The following SATB1 variants were observed in gnomAD, a reference collection of about 807,000 sequenced individuals.
SATB1 encodes SATB homeobox 1, also known as DNA-binding protein SATB1.
Under a neutral mutation model 86.9 loss-of-function variants are expected in SATB1, and 11 were observed. That is an observed-to-expected ratio of 0.13 (90% CI 0.08 to 0.21). The LOEUF (loss-of-function observed/expected upper bound fraction) is 0.21. Ranked by LOEUF, SATB1 falls within the 10% of genes least tolerant of loss-of-function variation. The pLI is 1.00. For synonymous variants in SATB1, 357 were observed against 357.2 expected (o/e 1.00, Z 0.01); for missense variants, 551 against 937.6 (o/e 0.59, Z 5.39).
intron 10 of SATB1, chr3:18,351,317 G>A (rs1694347228): frequency 1.3e-6 from 2 of 1,544,662 alleles, no homozygotes; most frequent in Non-Finnish European, 1.7e-6. Flanking sequence ...GCTCACCTGA[G>A]GAGCAGCACC....
At chr3:18,405,493 G>A (rs1184844282) in intron 5 of SATB1, among the ~76,000 whole-genome samples, 3 of 151,992 alleles carry the variant, frequency 2.0e-5, no homozygotes, top group Admixed American at 1.3e-4. Context: ...TTTTCCAAAA[G>A]TAAATATTAG....
rs977205716 is a variant in SATB1 at position 18,430,482 on chromosome 3, C to T, written c.-25+6307G>A. Reference sequence around the variant, plus strand: ...CTGCTTTCCGTGAACATTTAAGTATCTCATAGGTGAAGTTAAAAATCACAG... The same window carrying T: ...CTGCTTTCCGTGAACATTTAAGTATTTCATAGGTGAAGTTAAAAATCACAG... On this transcript the variant is annotated intron_variant, in intron 2 of 3. Coordinates refer to the SATB1 transcript ENST00000414509. 2.6e-5 allele frequency among the ~76,000 whole-genome samples: 4 copies of T among 152,126 alleles called. No individual in the cohort carries two copies. The South Asian group carries it at 6.2e-4, about 24-fold the overall frequency.
chr3:18,417,073 T>C lies in SATB1; in HGVS notation c.217A>G (p.Met73Val), dbSNP rs371228845. The C allele has an allele frequency of 3.2e-5, 51 of 1,612,098 alleles. No individual in the cohort carries two copies. Among genetic ancestry groups the C allele is most frequent in the Non-Finnish European group, 4.2e-5 (50 of 1,179,276 alleles). The change falls in exon 3 of 11, where the codon ATG becomes GTG. Residue 73 changes from methionine (M) to valine (V), a missense_variant. By Grantham distance (21) the Met-to-Val change is conservative. Around this residue, in one of 8 missense-constraint regions of SATB1, gnomAD observed 153 missense variants for 258.1 expected, o/e 0.59. Coordinates refer to ENST00000338745, the MANE Select transcript of SATB1 (RefSeq NM_002971.6). ...LMKTNLRKGT[M>V]LPVFCVVEHY... ...TCCACCACACAGAAAACTGGCAGCATGGTTCCTATCAAAAAGATGAAGAAG... is the reference window on the plus strand; with the variant it reads ...TCCACCACACAGAAAACTGGCAGCACGGTTCCTATCAAAAAGATGAAGAAG...
intron 6 of SATB1, among the ~76,000 whole-genome samples, chr3:18,396,841 T>G (rs1177269668): frequency 6.6e-6 from 1 of 152,092 alleles, no homozygotes; most frequent in East Asian, 1.9e-4. Context: ...ACAAAAAACC[T>G]AAAAGCAAGA....
At chr3:18,399,843 A>G (rs1697158809) in intron 5 of SATB1, among the ~76,000 whole-genome samples, 4 of 152,014 alleles carry the variant, frequency 2.6e-5, no homozygotes, top group Admixed American at 2.6e-4. Context: ...AGTCATGTCT[A>G]TTTTTATTGG....
rs746683305 is a variant in SATB1 at position 18,347,719 on chromosome 3, T to TA, written c.*1450dup. The TA allele has an allele frequency of 1.9e-4, 29 of 152,212 alleles. No homozygotes were observed. Among genetic ancestry groups the TA allele is most frequent in the Non-Finnish European group, 4.1e-4 (28 of 68,030 alleles). 9.4% of individuals were successfully genotyped at this position (152,212 alleles called of 1,614,324 possible). A position where few individuals can be genotyped will look rare whatever the true frequency, so the allele number is the denominator to read the frequency against. On this transcript the variant is annotated 3_prime_UTR_variant, in exon 11 of 11. Coordinates refer to ENST00000338745, the MANE Select transcript of SATB1 (RefSeq NM_002971.6). ...TTTTGACCATCCTATCTCTACTTAT[T>TA]AAGCAAAATGTTAACCAAACAGGTT... is the stretch of plus-strand genomic sequence containing the variant.
intron 5 of SATB1, among the ~76,000 whole-genome samples, chr3:18,410,144 C>T (rs756267426): frequency 6.6e-5 from 10 of 151,998 alleles, no homozygotes; most frequent in Non-Finnish European, 1.3e-4. Context: ...CAGCAATGTA[C>T]TTTTAAAACA....
intron 10 of SATB1, 68 bp downstream of exon 10, chr3:18,351,924 T>C: frequency 6.7e-7 from 1 of 1,484,828 alleles, no homozygotes; most frequent in Non-Finnish European, 9.4e-7. Context: ...AGAGAAACGC[T>C]AATTTCCCTG....
Position 18,386,665 on chromosome 3 carries a change from G to C in SATB1, c.1207-54C>G. On this transcript the variant is annotated intron_variant, in intron 7 of 10. Coordinates refer to ENST00000338745, the MANE Select transcript of SATB1 (RefSeq NM_002971.6). The surrounding 1 kb of genome is among the most constrained non-coding windows in gnomAD (Gnocchi z 4.5). ...CCTGCTGCCTTGCTTTGCCTGGCCAGCAGTGATCCTTCCCTTTTCTTCTCC... is the reference window on the plus strand; with the variant it reads ...CCTGCTGCCTTGCTTTGCCTGGCCACCAGTGATCCTTCCCTTTTCTTCTCC... 7.1e-7 allele frequency: 1 copy of C among 1,406,852 alleles called. No homozygotes were observed. Among genetic ancestry groups the C allele is most frequent in the East Asian group, 2.3e-5 (1 of 43,692 alleles). 87.1% of individuals were successfully genotyped at this position (1,406,852 alleles called of 1,614,324 possible). A position where few individuals can be genotyped will look rare whatever the true frequency, so the allele number is the denominator to read the frequency against.
chr3:18,351,081 C>G, intron 10 of SATB1: 1 of 523,526 alleles, frequency 1.9e-6, no homozygotes, highest in Non-Finnish European at 3.5e-6. Flanking sequence ...CTACCTGATC[C>G]CAGAACTTTT....
At chr3:18,375,699 C>T (rs541366464) in intron 9 of SATB1, among the ~76,000 whole-genome samples, 4 of 152,110 alleles carry the variant, frequency 2.6e-5, no homozygotes, top group South Asian at 4.2e-4. Flanking sequence ...CTTATTAAGT[C>T]GGGTTTCTTT....
At chr3:18,372,260 C>T (rs1695512184) in intron 9 of SATB1, among the ~76,000 whole-genome samples, 1 of 152,160 alleles carries the variant, frequency 6.6e-6, no homozygotes, top group Admixed American at 6.5e-5. Flanking sequence ...AATTAATTCT[C>T]TTCAAATCTG....
At position 18,349,175 on chromosome 3, in the gene SATB1, C is replaced by G. The variant is rs1310608505; in HGVS notation, c.2287G>C (p.Asp763His). ...ACGAAACAAATACTTTTATCTCAGT[C>G]TTTCAAATCAGTATTAATGTCTGTG... ...GNTDINTDLK[D>H] Residue 763 changes from aspartate to histidine, a missense_variant, in exon 11 of 11, where the codon GAC (aspartate) becomes CAC (histidine). Around this residue, in one of 8 missense-constraint regions of SATB1, gnomAD observed 41 missense variants for 38.9 expected, o/e 1.06. Coordinates refer to ENST00000338745, the MANE Select transcript of SATB1 (RefSeq NM_002971.6). The surrounding 1 kb of genome is among the most constrained non-coding windows in gnomAD (Gnocchi z 5.5). 2.5e-6 allele frequency: 4 copies of G among 1,612,890 alleles called. No homozygotes were observed. Among genetic ancestry groups the G allele is most frequent in the East Asian group, 2.2e-5 (1 of 44,864 alleles).
intron 2 of SATB1, chr3:18,417,683 A>G: frequency 1.4e-6 from 1 of 699,026 alleles, no homozygotes; most frequent in Non-Finnish European, 2.6e-6. Context: ...GGTGCTCATA[A>G]TACACAATTT....
upstream of SATB1, among the ~76,000 whole-genome samples, chr3:18,430,021 T>C (rs1044324032): frequency 6.6e-6 from 1 of 152,226 alleles, no homozygotes; most frequent in Non-Finnish European, 1.5e-5. Context: ...AGAGGGAACA[T>C]TGAAGAAGGT....
rs1361937810 is a variant in SATB1, at chr3:18,444,281, T to C, written c.-25+1237A>G. On this transcript the variant is annotated intron_variant, in intron 1 of 3. Coordinates refer to the SATB1 transcript ENST00000415069. The surrounding 1 kb of genome is among the most constrained non-coding windows in gnomAD (Gnocchi z 5.1). ...TCTAAAAGGGGCCATACCGGTGACC[T>C]GAAGGAGTTTGTTCAGCCAGGGTCT... 1.3e-5 allele frequency among the ~76,000 whole-genome samples: 2 copies of C among 151,936 alleles called. No homozygotes were observed. The highest frequency in any genetic ancestry group is 2.0e-4 in the East Asian group (1 of 5,126).
chr3:18,366,280 T>C (rs1015047425), intron 9 of SATB1, among the ~76,000 whole-genome samples: 1 of 152,000 alleles, frequency 6.6e-6, no homozygotes, highest in Non-Finnish European at 1.5e-5. Flanking sequence ...TTCTCTCAAA[T>C]GAGCTGTCAC....
At chr3:18,398,955 A>G (rs1481656712) in intron 5 of SATB1, among the ~76,000 whole-genome samples, 1 of 152,194 alleles carries the variant, frequency 6.6e-6, no homozygotes, top group Non-Finnish European at 1.5e-5. Context: ...TAAGGGATCA[A>G]TAAAGTCAGA....
chr3:18,364,849 T>C (rs934753039), intron 9 of SATB1, among the ~76,000 whole-genome samples: 4 of 152,078 alleles, frequency 2.6e-5, no homozygotes, highest in Admixed American at 2.0e-4. Flanking sequence ...AAATTTCCTT[T>C]TTTTTTTGCC....
Sources: gnomAD v4.1 joint callset for allele counts (sites outside exome capture counted in the v4.1 genomes callset) on GRCh38, gnomAD v4.1.1 for gene constraint, gnomAD v4.1.1 regional missense constraint, Gnocchi (gnomAD v3.1) non-coding constraint, MANE v1.5 for transcripts, NCBI Gene and HGNC (gene_info 2026-07-23, HGNC 2026-07-21) for gene names.